STPG2: variants seen among roughly 807,000 people sequenced by gnomAD.
STPG2 encodes the protein sperm-tail PG-rich repeat-containing protein 2.
A neutral mutation model predicts 54.2 loss-of-function variants in STPG2; 56 were observed. The ratio of observed to expected loss-of-function variants is 1.03; its 90% CI spans 0.83 to 1.29. The LOEUF is 1.29. STPG2 is among the 50% of genes most tolerant of loss of function. The pLI is 0.00. For synonymous variants in STPG2, 200 were observed against 181.8 expected (o/e 1.10, Z -0.81); for missense variants, 596 against 544.9 (o/e 1.09, Z -0.93).
intron 4 of STPG2, among the ~76,000 whole-genome samples, chr4:97,550,856 C>T (rs1466718452): frequency 6.6e-6 from 1 of 152,066 alleles, no homozygotes; most frequent in African/African-American, 2.4e-5. Flanking sequence ...GTTGTTTTTT[C>T]CTCCCGGTGG....
chr4:97,582,986 A>AT (rs1039675801), intron 10 of STPG2, among the ~76,000 whole-genome samples: 3 of 151,980 alleles, frequency 2.0e-5, no homozygotes, highest in African/African-American at 2.4e-5. Flanking sequence ...TGGGAAATGT[A>AT]TTTTTTTGCA....
intron 8 of STPG2, among the ~76,000 whole-genome samples, chr4:97,881,345 C>T (rs1730367579): frequency 6.6e-6 from 1 of 152,042 alleles, no homozygotes; most frequent in South Asian, 2.1e-4. Context: ...AAAAATGTTA[C>T]TTTAAAAGTT....
intron 10 of STPG2, among the ~76,000 whole-genome samples, chr4:97,575,012 T>C (rs1414195440): frequency 6.6e-6 from 1 of 152,000 alleles, no homozygotes; most frequent in Non-Finnish European, 1.5e-5. Flanking sequence ...TGAATGTTTC[T>C]ATGAATACAA....
intron 5 of STPG2, among the ~76,000 whole-genome samples, chr4:97,998,131 G>A (rs1735301567): frequency 6.6e-6 from 1 of 152,108 alleles, no homozygotes; most frequent in African/African-American, 2.4e-5. Flanking sequence ...TACAAAGGTG[G>A]TCACCAAAAA....
chr4:97,515,396 A>G (rs1731054957), intron 4 of STPG2, among the ~76,000 whole-genome samples: 1 of 152,114 alleles, frequency 6.6e-6, no homozygotes, highest in Non-Finnish European at 1.5e-5. Context: ...TGTAAAGACC[A>G]CATATCAAGT....
At chr4:97,986,503 C>A (rs1364035898) in intron 5 of STPG2, among the ~76,000 whole-genome samples, 1 of 152,172 alleles carries the variant, frequency 6.6e-6, no homozygotes, top group Non-Finnish European at 1.5e-5. Context: ...CCACAGAATG[C>A]CTTCAGAACC....
At chr4:97,911,758 T>C (rs1276975086) in intron 8 of STPG2, among the ~76,000 whole-genome samples, 6 of 152,144 alleles carry the variant, frequency 3.9e-5, no homozygotes, top group Non-Finnish European at 8.8e-5. Context: ...TAGCATTTCC[T>C]GCCTGCCGGC....
intron 10 of STPG2, among the ~76,000 whole-genome samples, chr4:97,607,454 C>T (rs1030314262): frequency 3.9e-5 from 6 of 152,048 alleles, no homozygotes; most frequent in African/African-American, 1.2e-4. Context: ...CAGTAAAAGG[C>T]ATCACAGAGG....
At chr4:97,698,788 G>T (rs767920360) in intron 10 of STPG2, among the ~76,000 whole-genome samples, 3 of 152,112 alleles carry the variant, frequency 2.0e-5, no homozygotes, top group Non-Finnish European at 4.4e-5. Context: ...GACTTCAAAA[G>T]GCCATTCCAC....
intron 10 of STPG2, among the ~76,000 whole-genome samples, chr4:97,691,204 G>A (rs1723351670): frequency 6.6e-6 from 1 of 152,054 alleles, no homozygotes; most frequent in Non-Finnish European, 1.5e-5. Context: ...AGGCTCCATG[G>A]GACAGCTGAG....
At chr4:97,713,155 G>A (rs905333450) in intron 9 of STPG2, among the ~76,000 whole-genome samples, 3 of 152,124 alleles carry the variant, frequency 2.0e-5, no homozygotes, top group African/African-American at 4.8e-5. Flanking sequence ...GTTAGGGCTT[G>A]AGCTGCACTT....
At chr4:97,796,955 C>G (rs1027500400) in intron 9 of STPG2, among the ~76,000 whole-genome samples, 2 of 152,088 alleles carry the variant, frequency 1.3e-5, no homozygotes, top group African/African-American at 4.8e-5. Flanking sequence ...CTCTTGGAAG[C>G]AATTGTGAAT....
chr4:97,942,726 T>C (rs1195463728), intron 8 of STPG2, among the ~76,000 whole-genome samples: 4 of 152,182 alleles, frequency 2.6e-5, no homozygotes, highest in Non-Finnish European at 4.4e-5. Context: ...CCAGTTATTT[T>C]ACAATCAAAA....
chr4:98,076,243 CAA>C (rs35410084), intron 5 of STPG2, among the ~76,000 whole-genome samples: 50 of 127,102 alleles, frequency 3.9e-4, no homozygotes, highest in Admixed American at 7.3e-4. Flanking sequence ...GACTCTGTCT[CAA>C]AAAAAAAAAA....
chr4:97,987,114 T>C (rs1734853658), intron 5 of STPG2, among the ~76,000 whole-genome samples: 1 of 152,130 alleles, frequency 6.6e-6, no homozygotes, highest in South Asian at 2.1e-4. Context: ...TACATAATAT[T>C]ACCAAAGCAC....
At chr4:98,093,460 A>C (rs1181085850) in intron 5 of STPG2, among the ~76,000 whole-genome samples, 2 of 152,198 alleles carry the variant, frequency 1.3e-5, no homozygotes, top group East Asian at 3.8e-4. Context: ...AAAATGCTTA[A>C]ATCCAAAGAT....
In STPG2 at chr4:98,128,732, T is replaced by C. The variant is rs576654324; in HGVS notation, c.223-140A>G. On this transcript the variant is annotated intron_variant, in intron 2 of 10. Transcript: ENST00000295268. The stretch of plus-strand genomic sequence containing the variant: ...TGATATAAAACAAAAATGTTTGTTT[T>C]GTTATTGTTTTTTTTGAGATAGGGT... 1.6e-4 allele frequency: 120 copies of C among 732,566 alleles called. No homozygotes were observed. In the South Asian group the frequency reaches 2.8e-3, roughly 17 times the overall value. The allele number at this position is 732,566 out of a possible 1,614,324, so 45.4% of individuals were successfully genotyped here.
intron 9 of STPG2, among the ~76,000 whole-genome samples, chr4:97,742,638 A>G (rs1040375888): frequency 2.0e-4 from 30 of 150,802 alleles, no homozygotes; most frequent in Admixed American, 3.3e-4. Context: ...ATGAAACTGA[A>G]GGACATTATT....
intron 8 of STPG2, among the ~76,000 whole-genome samples, chr4:97,900,625 A>G (rs1377976345): frequency 6.6e-6 from 1 of 152,130 alleles, no homozygotes; most frequent in African/African-American, 2.4e-5. Flanking sequence ...TTTTGCAGAA[A>G]CATGGATAGA....
Sources: allele counts gnomAD v4.1 joint callset (sites outside exome capture counted in the v4.1 genomes callset), GRCh38; gene constraint gnomAD v4.1.1; transcripts MANE v1.5; gene names NCBI Gene and HGNC (gene_info 2026-07-23, HGNC 2026-07-21).